POU6F2: variants seen among roughly 807,000 people sequenced by gnomAD.
POU6F2 encodes POU class 6 homeobox 2.
Under a neutral mutation model 71.3 loss-of-function variants are expected in POU6F2, and 31 were observed. The observed-to-expected ratio is 0.43, with a 90% CI of 0.33 to 0.59. The LOEUF is 0.59. POU6F2 is among the 20% of genes least tolerant of loss of function. POU6F2 has a pLI of 0.04. For synonymous variants in POU6F2, 347 were observed against 355.7 expected, an observed-to-expected ratio of 0.98 and a Z score of 0.27; for missense variants, 783 against 856.8, an observed-to-expected ratio of 0.91 and a Z score of 1.07.
At chr7:39,432,512 G>A (rs1263552118) in intron 6 of POU6F2, among the ~76,000 whole-genome samples, 1 of 152,154 alleles carries the variant, frequency 6.6e-6, no homozygotes, top group Non-Finnish European at 1.5e-5. Flanking sequence ...TGTCTCCAGA[G>A]CCCAGACTCT....
At chr7:39,197,967 A>G (rs562187625) in intron 2 of POU6F2, among the ~76,000 whole-genome samples, 3 of 152,338 alleles carry the variant, frequency 2.0e-5, no homozygotes, top group Non-Finnish European at 4.4e-5. Context: ...TTGTAGAGAT[A>G]GCAGTACTCA....
chr7:39,448,966 T>C (rs571892966), intron 7 of POU6F2, among the ~76,000 whole-genome samples: 1 of 152,374 alleles, frequency 6.6e-6, no homozygotes, highest in South Asian at 2.1e-4. Flanking sequence ...TAAAATTTAC[T>C]GGATTCAATT....
chr7:39,069,396 T>C (rs1458049047), intron 1 of POU6F2, among the ~76,000 whole-genome samples: 1 of 152,222 alleles, frequency 6.6e-6, no homozygotes, highest in African/African-American at 2.4e-5. Flanking sequence ...AGGGCTTTCA[T>C]GCCCGGAGAG....
intron 4 of POU6F2, among the ~76,000 whole-genome samples, chr7:39,245,235 T>C (rs1562761060): frequency 6.6e-6 from 1 of 152,180 alleles, no homozygotes; most frequent in Non-Finnish European, 1.5e-5. Flanking sequence ...TTGAAGATAA[T>C]AGCAAATTAA....
At chr7:39,003,197 C>T (rs1788962547) in intron 1 of POU6F2, among the ~76,000 whole-genome samples, 1 of 151,900 alleles carries the variant, frequency 6.6e-6, no homozygotes, top group Admixed American at 6.6e-5. Flanking sequence ...CCATCAAGGA[C>T]ATACTAAAAT....
chr7:39,307,936 C>T (rs1247654357), intron 4 of POU6F2, among the ~76,000 whole-genome samples: 1 of 149,252 alleles, frequency 6.7e-6, no homozygotes, highest in Non-Finnish European at 1.5e-5. Context: ...GCCTGAGTGA[C>T]AGAGCAAGAT....
intron 2 of POU6F2, among the ~76,000 whole-genome samples, chr7:39,087,138 G>A (rs1410606095): frequency 6.9e-6 from 1 of 144,870 alleles, no homozygotes; most frequent in East Asian, 2.0e-4. Context: ...TTGAAACACA[G>A]GCTTTATTAA....
chr7:39,335,187 A>G (rs1374158084), intron 4 of POU6F2, among the ~76,000 whole-genome samples: 1 of 152,118 alleles, frequency 6.6e-6, no homozygotes, highest in Non-Finnish European at 1.5e-5. Context: ...CCTTCCATTC[A>G]TACCTCTCAC....
chr7:39,039,451 G>A (rs1417321001), intron 1 of POU6F2, among the ~76,000 whole-genome samples: 4 of 151,670 alleles, frequency 2.6e-5, no homozygotes, highest in African/African-American at 9.7e-5. Context: ...CTTTATGGAC[G>A]CATCAACTAA....
chr7:39,169,446 C>T (rs1443681799), intron 2 of POU6F2, among the ~76,000 whole-genome samples: 2 of 152,148 alleles, frequency 1.3e-5, no homozygotes, highest in Admixed American at 6.5e-5. Flanking sequence ...ACAACAAAAA[C>T]CAACAACCAA....
intron 6 of POU6F2, among the ~76,000 whole-genome samples, chr7:39,412,506 A>C (rs1429018847): frequency 1.3e-5 from 2 of 152,232 alleles, no homozygotes; most frequent in African/African-American, 4.8e-5. Context: ...CCATAGCTTA[A>C]CACATTTGTA....
intron 7 of POU6F2, among the ~76,000 whole-genome samples, chr7:39,442,525 C>T (rs904627986): frequency 6.6e-6 from 1 of 152,188 alleles, no homozygotes; most frequent in Non-Finnish European, 1.5e-5. Flanking sequence ...CAAGCAGTCT[C>T]TGTCGATCTT....
rs549768537 is a variant in POU6F2 at position 39,069,445 on chromosome 7, C to T, written c.106-16415C>T. The stretch of plus-strand genomic sequence containing the variant: ...ATTCATTTTCTGACGAGCTCAAGAC[C>T]GTGCATGGTTTTTAAGTCCCACTGG... On this transcript the variant is annotated intron_variant, in intron 1 of 9. Transcript: ENST00000518318. Among the ~76,000 whole-genome samples, 6 of 152,214 alleles carry T rather than the reference C, an allele frequency of 3.9e-5. No homozygotes were observed. The South Asian group carries it at 1.0e-3, about 26-fold the overall frequency.
intron 1 of POU6F2, among the ~76,000 whole-genome samples, chr7:39,029,441 C>G (rs1789889168): frequency 6.6e-6 from 1 of 150,980 alleles, no homozygotes; most frequent in Admixed American, 6.6e-5. Flanking sequence ...TGACTTGTTC[C>G]TCATTTTAAA....
At chr7:38,986,045 AAC>A (rs1361180679) in intron 1 of POU6F2, among the ~76,000 whole-genome samples, 1 of 152,246 alleles carries the variant, frequency 6.6e-6, no homozygotes, top group Admixed American at 6.5e-5. Flanking sequence ...CTAATTCATT[AAC>A]ACACACGCAC....
chr7:39,081,927 C>A (rs1791128213), intron 1 of POU6F2, among the ~76,000 whole-genome samples: 1 of 152,182 alleles, frequency 6.6e-6, no homozygotes, highest in Non-Finnish European at 1.5e-5. Flanking sequence ...GAAAATGCAG[C>A]TTTACCACTT....
intron 4 of POU6F2, among the ~76,000 whole-genome samples, chr7:39,264,864 A>C (rs778989819): frequency 3.3e-5 from 5 of 152,178 alleles, no homozygotes; most frequent in Non-Finnish European, 5.9e-5. Context: ...GCATACCACA[A>C]AGAACTGTTC....
intron 4 of POU6F2, among the ~76,000 whole-genome samples, chr7:39,280,220 TATA>T (rs1784536733): frequency 6.6e-6 from 1 of 152,202 alleles, no homozygotes; most frequent in Non-Finnish European, 1.5e-5. Context: ...ACCTGTGACA[TATA>T]ATAAATGCAA....
At chr7:39,193,036 T>C (rs376045207) in intron 2 of POU6F2, among the ~76,000 whole-genome samples, 4 of 152,134 alleles carry the variant, frequency 2.6e-5, no homozygotes, top group East Asian at 3.9e-4. Flanking sequence ...TTTGTTATAA[T>C]GTAGATTCTG....
Sources: gnomAD v4.1 joint callset for allele counts (sites outside exome capture counted in the v4.1 genomes callset) on GRCh38, gnomAD v4.1.1 for gene constraint, MANE v1.5 for transcripts, NCBI Gene and HGNC (gene_info 2026-07-23, HGNC 2026-07-21) for gene names.